The following C8orf34 variants were observed in gnomAD, a reference collection of about 807,000 sequenced individuals.
C8orf34 encodes the protein chromosome 8 open reading frame 34.
C8orf34 carries 65 observed loss-of-function variants against 68.3 expected under a neutral mutation model. The observed-to-expected ratio is 0.95, with a 90% CI of 0.78 to 1.17. The LOEUF (loss-of-function observed/expected upper bound fraction) is 1.17. C8orf34 is among the 50% of genes most tolerant of loss of function. The probability of loss-of-function intolerance (pLI) is 0.00; values close to 1 mark genes in which losing one functional copy is unlikely to be tolerated. For missense variants in C8orf34, 664 were observed against 655.4 expected, an observed-to-expected ratio of 1.01 and a Z score of -0.14; for synonymous variants, 244 against 241.2, an observed-to-expected ratio of 1.01 and a Z score of -0.11.
chr8:68,521,183 T>C (rs574013369), intron 5 of C8orf34, among the ~76,000 whole-genome samples: 31 of 152,282 alleles, frequency 2.0e-4, no homozygotes, highest in African/African-American at 7.5e-4. Context: ...TAACAAAAAA[T>C]CCCTAGCAAT....
At chr8:68,759,262 A>G (rs961546352) in intron 10 of C8orf34, among the ~76,000 whole-genome samples, 1 of 152,230 alleles carries the variant, frequency 6.6e-6, no homozygotes, top group African/African-American at 2.4e-5. Context: ...GTTAACATCT[A>G]TTTAACTTTA....
chr8:68,369,209 G>T (rs1414159774), intron 1 of C8orf34, among the ~76,000 whole-genome samples: 1 of 152,138 alleles, frequency 6.6e-6, no homozygotes, highest in Non-Finnish European at 1.5e-5. Context: ...TTCCAGTTCT[G>T]TTCTTTTCAA....
At chr8:68,674,034 G>A (rs1820102133) in intron 8 of C8orf34, among the ~76,000 whole-genome samples, 1 of 152,038 alleles carries the variant, frequency 6.6e-6, no homozygotes, top group Non-Finnish European at 1.5e-5. Context: ...AACCATTAAG[G>A]TGGTACCTCT....
intron 8 of C8orf34, among the ~76,000 whole-genome samples, chr8:68,654,962 A>G (rs1280261167): frequency 6.6e-6 from 1 of 152,112 alleles, no homozygotes; most frequent in Non-Finnish European, 1.5e-5. Context: ...CAGCTATAAT[A>G]CCTTTAGTGC....
At chr8:68,348,793 T>C (rs950743809) in intron 1 of C8orf34, among the ~76,000 whole-genome samples, 6 of 152,138 alleles carry the variant, frequency 3.9e-5, no homozygotes, top group African/African-American at 1.4e-4. Flanking sequence ...ACAGGAATGC[T>C]AGTGACTTTA....
intron 7 of C8orf34, among the ~76,000 whole-genome samples, chr8:68,610,622 AGC>A (rs1292004434): frequency 6.6e-6 from 1 of 152,170 alleles, no homozygotes; most frequent in Admixed American, 6.6e-5. Flanking sequence ...TAGGAAGTGC[AGC>A]CACTAAGCCA....
At position 68,794,437 on chromosome 8, in the gene C8orf34, G is replaced by T. The variant is rs1256027775; in HGVS notation, c.1549+6901G>T. On this transcript the variant is annotated intron_variant, in intron 12 of 13. Coordinates refer to ENST00000518698, the MANE Select transcript of C8orf34 (RefSeq NM_052958.4). The stretch of plus-strand genomic sequence containing the variant: ...CCTCCCCTCCCTGCCCTCCCAAAGT[G>T]CTGGGATTACTGGCATGAATCATTG... Among the ~76,000 whole-genome samples, 4 of 140,998 alleles carry T rather than the reference G, an allele frequency of 2.8e-5. 1 individual carries two copies. The highest frequency in any genetic ancestry group is 4.0e-4 in the East Asian group (2 of 5,002). 92.5% of individuals were successfully genotyped at this position (140,998 alleles called of 152,430 possible).
chr8:68,800,037 C>A (rs1315795218), intron 12 of C8orf34, among the ~76,000 whole-genome samples: 1 of 152,098 alleles, frequency 6.6e-6, no homozygotes, highest in Non-Finnish European at 1.5e-5. Flanking sequence ...ACATTAGACA[C>A]AGGGGGTGAG....
chr8:68,532,151 A>T (rs1206683236), intron 6 of C8orf34, among the ~76,000 whole-genome samples: 1 of 152,188 alleles, frequency 6.6e-6, no homozygotes, highest in Non-Finnish European at 1.5e-5. Context: ...GAAAGAATCT[A>T]CTTCAAAACA....
At chr8:68,596,682 A>G (rs995938402) in intron 7 of C8orf34, among the ~76,000 whole-genome samples, 1 of 152,176 alleles carries the variant, frequency 6.6e-6, no homozygotes, top group African/African-American at 2.4e-5. Flanking sequence ...ATTAACCACA[A>G]GCCTAGGAAA....
intron 7 of C8orf34, among the ~76,000 whole-genome samples, chr8:68,620,358 T>G: frequency 6.6e-6 from 1 of 151,860 alleles, no homozygotes; most frequent in East Asian, 1.9e-4. Context: ...ATTCAGAGGG[T>G]CTGGGAGTGA....
At chr8:68,644,266 G>A (rs551373613) in intron 8 of C8orf34, among the ~76,000 whole-genome samples, 25 of 152,232 alleles carry the variant, frequency 1.6e-4, no homozygotes, top group African/African-American at 5.8e-4. Flanking sequence ...GGCAACTTAG[G>A]GGAGAGGGAA....
At chr8:68,679,720 A>G (rs1346325606) in intron 8 of C8orf34, among the ~76,000 whole-genome samples, 2 of 152,210 alleles carry the variant, frequency 1.3e-5, no homozygotes, top group Admixed American at 6.5e-5. Context: ...TGGTACTGGC[A>G]TAAAAACAGA....
rs1811120364 is a variant in C8orf34 at position 68,446,311 on chromosome 8, T to C, written c.476-18T>C. ...GAAATCACTTTGTTGCCATTTTATATATATTTTGTTTTAACAGAATCCAAA... is the reference window on the plus strand; with the variant it reads ...GAAATCACTTTGTTGCCATTTTATACATATTTTGTTTTAACAGAATCCAAA... On this transcript the variant is annotated intron_variant, in intron 2 of 13. Coordinates refer to ENST00000518698, the MANE Select transcript of C8orf34 (RefSeq NM_052958.4). The C allele has an allele frequency of 6.4e-7, 1 of 1,565,852 alleles. No homozygotes were observed. Among genetic ancestry groups the C allele is most frequent in the Admixed American group, 2.1e-5 (1 of 47,956 alleles).
rs1469814075 is a variant in C8orf34 at position 68,366,805 on chromosome 8, A to G, written c.327+35466A>G. Among the ~76,000 whole-genome samples the G allele has an allele frequency of 4.1e-5, 6 of 147,542 alleles. No homozygotes were observed. The East Asian group carries it at 1.3e-3, about 32-fold the overall frequency. On this transcript the variant is annotated intron_variant, in intron 1 of 13. Transcript: ENST00000518698. ...AAAACCATAAAAACCCTAGAAGAAA[A>G]CTTAGGCATTACCATTCAGGACATA...
At chr8:68,465,703 A>G (rs1190295661) in intron 3 of C8orf34, among the ~76,000 whole-genome samples, 1 of 151,044 alleles carries the variant, frequency 6.6e-6, no homozygotes, top group Non-Finnish European at 1.5e-5. Flanking sequence ...TCGCAAGGAC[A>G]AAAAACCAAA....
chr8:68,775,378 A>T (rs1823485467), intron 10 of C8orf34, among the ~76,000 whole-genome samples: 1 of 152,192 alleles, frequency 6.6e-6, no homozygotes, highest in Non-Finnish European at 1.5e-5. Flanking sequence ...GTCTCTCGTC[A>T]TGGAGTATAA....
chr8:68,539,017 A>G (rs561681571), intron 7 of C8orf34, among the ~76,000 whole-genome samples: 1 of 152,318 alleles, frequency 6.6e-6, no homozygotes, highest in African/African-American at 2.4e-5. Context: ...ATAAAATTAT[A>G]AAAGTGTTGA....
At chr8:68,748,643 C>T (rs1378797274) in intron 10 of C8orf34, among the ~76,000 whole-genome samples, 4 of 152,020 alleles carry the variant, frequency 2.6e-5, no homozygotes, top group South Asian at 2.1e-4. Context: ...AAAATGCTCA[C>T]CATCACTGGC....
Sources: allele counts gnomAD v4.1 joint callset (sites outside exome capture counted in the v4.1 genomes callset), GRCh38; gene constraint gnomAD v4.1.1; transcripts MANE v1.5; gene names NCBI Gene and HGNC (gene_info 2026-07-23, HGNC 2026-07-21).